GBE1: variants seen among roughly 807,000 people sequenced by gnomAD.
The protein encoded by GBE1 is 1,4-alpha-glucan-branching enzyme.
In GBE1, 70 loss-of-function variants were observed where a neutral mutation model predicts 88.8. The ratio of observed to expected loss-of-function variants is 0.79; its 90% CI spans 0.65 to 0.96. The LOEUF (loss-of-function observed/expected upper bound fraction) is 0.96. Ranked by LOEUF, GBE1 falls within the 40% of genes least tolerant of loss-of-function variation. The pLI is 0.00. For synonymous variants in GBE1, 284 were observed against 300.1 expected (o/e 0.95, Z 0.56); for missense variants, 872 against 871.0 (o/e 1.00, Z -0.01).
intron 7 of GBE1, among the ~76,000 whole-genome samples, chr3:81,630,572 T>G (rs1704493451): frequency 6.6e-6 from 1 of 152,168 alleles, no homozygotes; most frequent in African/African-American, 2.4e-5. Flanking sequence ...TTAAGTATGT[T>G]TGAAACAACT....
At chr3:81,693,555 T>C (rs913293856) in intron 2 of GBE1, among the ~76,000 whole-genome samples, 4 of 152,306 alleles carry the variant, frequency 2.6e-5, no homozygotes, top group East Asian at 1.9e-4. Context: ...ATTGTCCCTC[T>C]TGTGCATTGC....
intron 8 of GBE1, 46 bp downstream of exon 8, chr3:81,593,862 C>A: frequency 1.1e-6 from 1 of 889,720 alleles, no homozygotes; most frequent in Non-Finnish European, 1.8e-6. Context: ...ATGGCTATTG[C>A]AGCTTCTGCA....
chr3:81,559,530 T>C (rs1026448928), intron 12 of GBE1, among the ~76,000 whole-genome samples: 7 of 152,022 alleles, frequency 4.6e-5, no homozygotes, highest in African/African-American at 1.7e-4. Flanking sequence ...TCTGTTTATA[T>C]GCTGTGGCAC....
chr3:81,664,224 A>G (rs1369747645), intron 3 of GBE1, among the ~76,000 whole-genome samples: 1 of 152,152 alleles, frequency 6.6e-6, no homozygotes, highest in Non-Finnish European at 1.5e-5. Context: ...AATAAGAAGA[A>G]CATAATTTGA....
chr3:81,691,943 C>T (rs182006429), intron 2 of GBE1, among the ~76,000 whole-genome samples: 22 of 152,202 alleles, frequency 1.4e-4, no homozygotes, highest in African/African-American at 5.1e-4. Context: ...AACGAGTTGA[C>T]GGACAGGAGC....
intron 2 of GBE1, among the ~76,000 whole-genome samples, chr3:81,694,757 C>A (rs1705568384): frequency 6.6e-6 from 1 of 152,212 alleles, no homozygotes. Context: ...TGTGACATAG[C>A]TGAATTTCTA....
At chr3:81,628,535 C>T (rs1211682180) in intron 7 of GBE1, among the ~76,000 whole-genome samples, 1 of 151,630 alleles carries the variant, frequency 6.6e-6, no homozygotes, top group African/African-American at 2.4e-5. Context: ...TGCCAAAGAG[C>T]CAGTGATGAG....
intron 1 of GBE1, among the ~76,000 whole-genome samples, chr3:81,724,463 T>C (rs908497363): frequency 1.3e-5 from 2 of 152,174 alleles, no homozygotes; most frequent in Admixed American, 6.5e-5. Flanking sequence ...AATTCACCCC[T>C]GCTCCAAATC....
chr3:81,583,011 AG>A (rs1438800905), intron 10 of GBE1, among the ~76,000 whole-genome samples: 2 of 152,030 alleles, frequency 1.3e-5, no homozygotes, highest in Non-Finnish European at 2.9e-5. Context: ...AAATATATAA[AG>A]AACCCTCAAA....
At chr3:81,743,537 T>C in intron 1 of GBE1, 6 of 1,508,932 alleles carry the variant, frequency 4.0e-6, no homozygotes, top group Non-Finnish European at 5.3e-6. Flanking sequence ...TCAAAAATAA[T>C]GCAAGTCATA....
chr3:81,562,046 G>A (rs922081939), intron 12 of GBE1, among the ~76,000 whole-genome samples: 18 of 152,100 alleles, frequency 1.2e-4, no homozygotes, highest in African/African-American at 3.6e-4. Context: ...ATTTATTACC[G>A]AACACACTCG....
chr3:81,741,974 T>C (rs1200381424), intron 1 of GBE1, among the ~76,000 whole-genome samples: 1 of 151,420 alleles, frequency 6.6e-6, no homozygotes, highest in Non-Finnish European at 1.5e-5. Flanking sequence ...TAAAAAGATA[T>C]TTCAAAACCT....
chr3:81,572,543 ATTTTG>A (rs1703588999), intron 12 of GBE1, among the ~76,000 whole-genome samples: 1 of 152,154 alleles, frequency 6.6e-6, no homozygotes, highest in Admixed American at 6.5e-5. Flanking sequence ...TAATTTTTAA[ATTTTG>A]TTTAGTTAGC....
At chr3:81,756,921 A>T (rs571662825) in intron 1 of GBE1, among the ~76,000 whole-genome samples, 3 of 152,318 alleles carry the variant, frequency 2.0e-5, no homozygotes, top group Admixed American at 6.5e-5. Flanking sequence ...GTTTTATATT[A>T]AGAAAATATT....
At chr3:81,750,561 A>ATGTATATATATG (rs1706488153) in intron 1 of GBE1, among the ~76,000 whole-genome samples, 1 of 82,010 alleles carries the variant, frequency 1.2e-5, no homozygotes, top group African/African-American at 6.4e-5. Context: ...GTATATATAT[A>ATGTATATATATG]TGTATATATA....
intron 7 of GBE1, among the ~76,000 whole-genome samples, chr3:81,616,903 T>C (rs1704255168): frequency 6.6e-6 from 1 of 152,050 alleles, no homozygotes; most frequent in African/African-American, 2.4e-5. Context: ...CCTGTATATA[T>C]TTTATTGGAT....
At position 81,750,631 on chromosome 3, in the gene GBE1, GTATATA is replaced by G. The variant is rs1421769991; in HGVS notation, c.143+10738_143+10743del. Reference sequence around the variant, plus strand: ...TATATATATATGTATATATATATACGTATATATATATATGTATATATATATATGTAT... The same window carrying G: ...TATATATATATGTATATATATATACGTATATATGTATATATATATATGTAT... On this transcript the variant is annotated intron_variant, in intron 1 of 15. Coordinates refer to ENST00000429644, the MANE Select transcript of GBE1 (RefSeq NM_000158.4). Among the ~76,000 whole-genome samples the G allele has an allele frequency of 1.9e-4, 5 of 26,266 alleles. 1 individual carries two copies. Among genetic ancestry groups the G allele is most frequent in the Admixed American group, 5.2e-4 (1 of 1,928 alleles). 17.2% of individuals were successfully genotyped at this position (26,266 alleles called of 152,430 possible).
chr3:81,758,072 G>A (rs1218298816), intron 1 of GBE1, among the ~76,000 whole-genome samples: 1 of 152,136 alleles, frequency 6.6e-6, no homozygotes, highest in Non-Finnish European at 1.5e-5. Flanking sequence ...TTATCATGAA[G>A]TTGTCTGTGA....
chr3:81,688,595 T>C (rs1705474034), intron 2 of GBE1, among the ~76,000 whole-genome samples: 1 of 152,172 alleles, frequency 6.6e-6, no homozygotes, highest in African/African-American at 2.4e-5. Context: ...ACTAAGATTA[T>C]ATTAATAAGA....
Sources: gnomAD v4.1 joint callset for allele counts (sites outside exome capture counted in the v4.1 genomes callset) on GRCh38, gnomAD v4.1.1 for gene constraint, MANE v1.5 for transcripts, NCBI Gene and HGNC (gene_info 2026-07-23, HGNC 2026-07-21) for gene names.